The following PPP1R3B variants were observed in gnomAD, a reference collection of about 807,000 sequenced individuals.
PPP1R3B encodes the protein PP1 subunit R4.
A neutral mutation model predicts 14.6 loss-of-function variants in PPP1R3B; 8 were observed. The observed-to-expected ratio is 0.55, with a 90% CI of 0.32 to 0.99. PPP1R3B has a LOEUF of 0.99. Ranked by LOEUF, PPP1R3B falls within the 50% of genes least tolerant of loss-of-function variation. The pLI is 0.04. For missense variants in PPP1R3B, 452 were observed against 360.1 expected, an observed-to-expected ratio of 1.26 and a Z score of -2.07; for synonymous variants, 169 against 142.0, an observed-to-expected ratio of 1.19 and a Z score of -1.35.
At chr8:9,142,920 T>G (rs562852176) in intron 1 of PPP1R3B, among the ~76,000 whole-genome samples, 1 of 152,366 alleles carries the variant, frequency 6.6e-6, no homozygotes, top group South Asian at 2.1e-4. Context: ...TGATGGGCAC[T>G]TAGGTTGATT....
At chr8:9,143,517 T>C (rs902609364) in intron 1 of PPP1R3B, among the ~76,000 whole-genome samples, 2 of 152,052 alleles carry the variant, frequency 1.3e-5, no homozygotes, top group Admixed American at 6.6e-5. Context: ...GCCTGACCAA[T>C]ATGGTGAAAC....
intron 1 of PPP1R3B, among the ~76,000 whole-genome samples, chr8:9,148,043 C>T (rs768921016): frequency 1.3e-5 from 2 of 152,088 alleles, no homozygotes; most frequent in Non-Finnish European, 2.9e-5. Flanking sequence ...CAGATAGCTT[C>T]CAGATTTTAT....
chr8:9,148,518 A>G (rs1479498862), intron 1 of PPP1R3B, among the ~76,000 whole-genome samples: 1 of 152,232 alleles, frequency 6.6e-6, no homozygotes, highest in Non-Finnish European at 1.5e-5. Context: ...ATTCTCAAAC[A>G]CTTGCTTCCA....
In PPP1R3B at chr8:9,138,305, A is replaced by G. The variant is rs1800959152; in HGVS notation, c.*2489T>C. On this transcript the variant is annotated 3_prime_UTR_variant, in exon 2 of 2. Coordinates refer to ENST00000310455, the MANE Select transcript of PPP1R3B (RefSeq NM_024607.4). The stretch of plus-strand genomic sequence containing the variant: ...TTCTGCCCAGTAACAGCATAAGGTA[A>G]AAATGTGATTTCCCCTAAAATTATA... The G allele has an allele frequency of 6.6e-6, 1 of 152,214 alleles. No individual in the cohort carries two copies. The highest frequency in any genetic ancestry group is 6.5e-5 in the Admixed American group (1 of 15,278). The allele number at this position is 152,214 out of a possible 1,614,324, so 9.4% of individuals were successfully genotyped here.
At chr8:9,146,342 T>G (rs188748895) in intron 1 of PPP1R3B, among the ~76,000 whole-genome samples, 2 of 152,268 alleles carry the variant, frequency 1.3e-5, no homozygotes, top group East Asian at 3.9e-4. Flanking sequence ...AGGTGTGTGA[T>G]GACGTGTTGG....
rs1015278080 is a variant in PPP1R3B, at chr8:9,138,165, C to A, written c.*2629G>T. The A allele has an allele frequency of 2.0e-5, 3 of 152,156 alleles. No individual in the cohort carries two copies. Among genetic ancestry groups the A allele is most frequent in the South Asian group, 4.1e-4 (2 of 4,836 alleles). The allele number at this position is 152,156 out of a possible 1,614,324, so 9.4% of individuals were successfully genotyped here. ...GTAAAATTCAGGACCTGCATGAAAT[C>A]AGTTTTGCTTCCATTTGAGTTCGAT... is the stretch of plus-strand genomic sequence containing the variant. On this transcript the variant is annotated 3_prime_UTR_variant, in exon 2 of 2. Transcript: ENST00000310455.
chr8:9,147,824 C>G (rs903242179), intron 1 of PPP1R3B, among the ~76,000 whole-genome samples: 5 of 152,010 alleles, frequency 3.3e-5, no homozygotes, highest in African/African-American at 1.2e-4. Flanking sequence ...AGCCAAACTG[C>G]TATTACAAGA....
rs1800970647 is a variant in PPP1R3B, at chr8:9,138,638, T to C, written c.*2156A>G. On this transcript the variant is annotated 3_prime_UTR_variant, in exon 2 of 2. Coordinates refer to ENST00000310455, the MANE Select transcript of PPP1R3B (RefSeq NM_024607.4). ...AATCTGGAAAATCCAAGCACAAGAC[T>C]CTTAGCTTGAAAAGCCTGACAACTC... 6.6e-6 allele frequency: 1 copy of C among 152,166 alleles called. No individual in the cohort carries two copies. The highest frequency in any genetic ancestry group is 6.5e-5 in the Admixed American group (1 of 15,272). The allele number at this position is 152,166 out of a possible 1,614,324, so 9.4% of individuals were successfully genotyped here.
rs547315511 is a variant in PPP1R3B, at chr8:9,141,497, G to A, written c.155C>T (p.Pro52Leu). ...SKNEASGMVA[P>L]AVQEKKVKKR... The stretch of plus-strand genomic sequence containing the variant: ...TTTCACCTTCTTCTCCTGGACAGCC[G>A]GGGCCACCATTCCACTGGCTTCATT... Residue 52 changes from proline to leucine, a missense_variant, in exon 2 of 2, where the codon CCG (proline) becomes CTG (leucine). Pro to Leu is a moderately conservative substitution (Grantham distance 98). Transcript: ENST00000310455. 141 of 1,614,112 alleles carry A rather than the reference G, an allele frequency of 8.7e-5. No homozygotes were observed. In the South Asian group the frequency reaches 1.1e-3, roughly 13 times the overall value.
chr8:9,145,268 T>G (rs1801207096), intron 1 of PPP1R3B: 1 of 152,202 alleles, frequency 6.6e-6, no homozygotes, highest in South Asian at 2.1e-4. Flanking sequence ...TATGCTCAGA[T>G]TCTCTTCTGC....
Position 9,140,958 on chromosome 8 carries a change from T to C in PPP1R3B, c.694A>G (p.Ile232Val). 1.2e-6 allele frequency: 2 copies of C among 1,614,168 alleles called. No homozygotes were observed. The highest frequency in any genetic ancestry group is 1.7e-6 in the Non-Finnish European group (2 of 1,180,026). ...GTAGATTTTAACTCAGCCCGGATGA[T>C]CCTATAGTTCTTGCCTCTGTTGCTG... ...WDSNRGKNYR[I>V]IRAELKSTQG... The change falls in exon 2 of 2, where the codon ATC (isoleucine) becomes GTC (valine). Residue 232 changes from isoleucine to valine, a missense_variant. Physicochemically the swap from Ile to Val is conservative, Grantham distance 29. Coordinates refer to ENST00000310455, the MANE Select transcript of PPP1R3B (RefSeq NM_024607.4).
intron 1 of PPP1R3B, among the ~76,000 whole-genome samples, chr8:9,149,786 C>T (rs1285132873): frequency 6.6e-6 from 1 of 152,212 alleles, no homozygotes; most frequent in East Asian, 1.9e-4. Context: ...GATCCTGTCC[C>T]CATCATCCAA....
Position 9,141,641 on chromosome 8 carries a change from AC to A in PPP1R3B, c.10del (p.Val4TrpfsTer31). On this transcript the variant is annotated frameshift_variant, in exon 2 of 2. Transcript: ENST00000310455. LOFTEE classifies it high-confidence loss of function. ...GCAGTTGTATCTGTACTCGATGTCC[AC>A]AGCCATCATGGGGCTAGATGAACAG... Reference protein sequence around the residue: MMAVDIEYRYNCMA... With the variant: MMAXDIEYRYNCMA... 3 of 1,613,330 alleles carry A rather than the reference AC, an allele frequency of 1.9e-6. No individual in the cohort carries two copies. The highest frequency in any genetic ancestry group is 2.5e-6 in the Non-Finnish European group (3 of 1,179,574).
intron 1 of PPP1R3B, among the ~76,000 whole-genome samples, chr8:9,147,538 T>C (rs539068052): frequency 2.0e-5 from 3 of 152,024 alleles, no homozygotes; most frequent in African/African-American, 7.2e-5. Flanking sequence ...CCTTGGAAAC[T>C]CTCAAGATAT....
At chr8:9,146,810 C>A (rs1801253564) in intron 1 of PPP1R3B, among the ~76,000 whole-genome samples, 1 of 151,854 alleles carries the variant, frequency 6.6e-6, no homozygotes, top group East Asian at 1.9e-4. Flanking sequence ...CTGAATTAGG[C>A]AAGGTAGGTT....
chr8:9,143,617 G>C (rs1437099029), intron 1 of PPP1R3B, among the ~76,000 whole-genome samples: 1 of 152,182 alleles, frequency 6.6e-6, no homozygotes, highest in Non-Finnish European at 1.5e-5. Context: ...CAGCAGAATT[G>C]CTTGAACCTG....
At chr8:9,145,088 A>T (rs147094984) in intron 1 of PPP1R3B, among the ~76,000 whole-genome samples, 2 of 152,186 alleles carry the variant, frequency 1.3e-5, no homozygotes, top group East Asian at 3.9e-4. Context: ...CCATTATTTT[A>T]AAAAAGATTC....
chr8:9,142,652 C>T (rs1801124479), intron 1 of PPP1R3B, among the ~76,000 whole-genome samples: 1 of 152,164 alleles, frequency 6.6e-6, no homozygotes, highest in African/African-American at 2.4e-5. Context: ...ATCCTTTGGC[C>T]AAAGGATACC....
At chr8:9,150,263 C>A (rs1160153127) in intron 1 of PPP1R3B, among the ~76,000 whole-genome samples, 1 of 152,212 alleles carries the variant, frequency 6.6e-6, no homozygotes, top group Non-Finnish European at 1.5e-5. Flanking sequence ...CCTTCCAAGT[C>A]TCCAAGTTCC....
Sources: allele counts gnomAD v4.1 joint callset (sites outside exome capture counted in the v4.1 genomes callset), GRCh38; gene constraint gnomAD v4.1.1; transcripts MANE v1.5; gene names NCBI Gene and HGNC (gene_info 2026-07-23, HGNC 2026-07-21).